ITFG1: variants seen among roughly 807,000 people sequenced by gnomAD.
ITFG1 encodes integrin alpha FG-GAP repeat containing 1, also known as T-cell immunomodulatory protein.
Under a neutral mutation model 81.8 loss-of-function variants are expected in ITFG1, and 34 were observed. The observed-to-expected ratio is 0.42, with a 90% CI of 0.32 to 0.55. The LOEUF is 0.55. Among genes scored for constraint, ITFG1 ranks in the 20% least tolerant of loss-of-function variants. The pLI is 0.17. For missense variants in ITFG1, 672 were observed against 755.4 expected (o/e 0.89, Z 1.29); for synonymous variants, 285 against 270.6 (o/e 1.05, Z -0.52).
At chr16:47,448,421 C>A (rs1266397729) in intron 5 of ITFG1, 1 of 152,028 alleles carries the variant, frequency 6.6e-6, no homozygotes, top group African/African-American at 2.4e-5. Context: ...TCTACCCACA[C>A]AACAGTTAAA....
Position 47,425,717 on chromosome 16 carries a change from T to G in ITFG1, c.655+3087A>C, listed in dbSNP as rs9928503. ...AAGTGATTCTCCTACCTCAGCTTCT[T>G]GAGTAGCTGGGGTCACAGGCGTGTG... On this transcript the variant is annotated intron_variant, in intron 6 of 17. Coordinates refer to ENST00000320640, the MANE Select transcript of ITFG1 (RefSeq NM_030790.5). 3 of 151,912 alleles carry G rather than the reference T, an allele frequency of 2.0e-5. No individual in the cohort carries two copies. In the East Asian group the frequency reaches 5.8e-4, roughly 29 times the overall value. 9.4% of individuals were successfully genotyped at this position (151,912 alleles called of 1,614,324 possible).
intron 17 of ITFG1, 23 bp downstream of exon 17, chr16:47,158,850 A>G: frequency 7.7e-7 from 1 of 1,291,574 alleles, no homozygotes; most frequent in Non-Finnish European, 1.1e-6. Flanking sequence ...ACCAAAATTA[A>G]TGCTTCCTTT....
At chr16:47,157,664 G>A (rs1964735170) in intron 17 of ITFG1, 1 of 152,154 alleles carries the variant, frequency 6.6e-6, no homozygotes. Flanking sequence ...AATTGAATAT[G>A]TAACTTCATG....
chr16:47,177,252 G>C (rs1267663779), intron 14 of ITFG1, among the ~76,000 whole-genome samples: 1 of 152,146 alleles, frequency 6.6e-6, no homozygotes, highest in Non-Finnish European at 1.5e-5. Flanking sequence ...TTACAGGTGT[G>C]AGCCACATCA....
At chr16:47,341,469 C>A (rs1029914705) in intron 8 of ITFG1, among the ~76,000 whole-genome samples, 1 of 148,856 alleles carries the variant, frequency 6.7e-6, no homozygotes, top group Non-Finnish European at 1.5e-5. Context: ...TATAACATAC[C>A]CATACCCAGA....
At chr16:47,178,504 G>T (rs1428683022) in intron 14 of ITFG1, among the ~76,000 whole-genome samples, 1 of 152,158 alleles carries the variant, frequency 6.6e-6, no homozygotes, top group Non-Finnish European at 1.5e-5. Context: ...AAATGGTGCT[G>T]GGAAAACTGG....
intron 10 of ITFG1, among the ~76,000 whole-genome samples, chr16:47,272,051 A>G (rs913645580): frequency 6.6e-6 from 1 of 152,258 alleles, no homozygotes; most frequent in African/African-American, 2.4e-5. Flanking sequence ...GAAATGTAGT[A>G]TAACCATATA....
At chr16:47,327,859 A>G (rs2151572036) in intron 8 of ITFG1, among the ~76,000 whole-genome samples, 1 of 152,146 alleles carries the variant, frequency 6.6e-6, no homozygotes, top group African/African-American at 2.4e-5. Flanking sequence ...AAATAGGAAC[A>G]CTTACACTGT....
At chr16:47,443,048 T>C (rs1486756244) in intron 5 of ITFG1, among the ~76,000 whole-genome samples, 1 of 151,958 alleles carries the variant, frequency 6.6e-6, no homozygotes, top group East Asian at 1.9e-4. Context: ...CTCAAACAAA[T>C]TTACAAGAAA....
chr16:47,274,530 A>AC (rs1347207612), intron 10 of ITFG1, among the ~76,000 whole-genome samples: 1 of 152,144 alleles, frequency 6.6e-6, no homozygotes, highest in East Asian at 1.9e-4. Context: ...AGTAAAAAAA[A>AC]CTGAAAACTT....
intron 12 of ITFG1, among the ~76,000 whole-genome samples, chr16:47,244,415 T>C (rs534523403): frequency 1.6e-4 from 25 of 152,172 alleles, no homozygotes; most frequent in African/African-American, 5.1e-4. Flanking sequence ...TCTAGGTAGA[T>C]AGTGTCAGAA....
chr16:47,252,613 G>A (rs531708642), intron 12 of ITFG1, among the ~76,000 whole-genome samples: 1 of 152,156 alleles, frequency 6.6e-6, no homozygotes, highest in Non-Finnish European at 1.5e-5. Flanking sequence ...TCTGTAATAC[G>A]CAAGGTCCCC....
At chr16:47,294,439 C>T (rs1376142063) in intron 10 of ITFG1, among the ~76,000 whole-genome samples, 2 of 152,018 alleles carry the variant, frequency 1.3e-5, no homozygotes, top group African/African-American at 4.8e-5. Flanking sequence ...CTGTATATTG[C>T]TTTGGGCATT....
chr16:47,396,377 G>A (rs191609270), intron 6 of ITFG1, among the ~76,000 whole-genome samples: 2 of 152,176 alleles, frequency 1.3e-5, no homozygotes, highest in African/African-American at 4.8e-5. Flanking sequence ...CATACATGAA[G>A]ATGAGAAAGG....
chr16:47,255,810 A>T (rs1415701047), intron 12 of ITFG1, among the ~76,000 whole-genome samples: 1 of 152,220 alleles, frequency 6.6e-6, no homozygotes, highest in Non-Finnish European at 1.5e-5. Flanking sequence ...GAATGACACA[A>T]ATAAATAAGC....
chr16:47,329,713 C>T (rs193247966), intron 8 of ITFG1, among the ~76,000 whole-genome samples: 32 of 152,018 alleles, frequency 2.1e-4, no homozygotes, highest in Admixed American at 1.9e-3. Flanking sequence ...TGTTATTATC[C>T]TATATTATGA....
At chr16:47,167,371 G>A (rs1212766043) in intron 14 of ITFG1, among the ~76,000 whole-genome samples, 1 of 152,150 alleles carries the variant, frequency 6.6e-6, no homozygotes, top group Non-Finnish European at 1.5e-5. Context: ...GCCCTGCCCT[G>A]CCTTAACTGA....
chr16:47,183,050 C>T lies in ITFG1; in HGVS notation c.1454-20386G>A, dbSNP rs113399936. 3.0e-4 allele frequency among the ~76,000 whole-genome samples: 46 copies of T among 152,338 alleles called. 1 individual carries two copies. The highest frequency in any genetic ancestry group is 3.4e-3 in the Middle Eastern group (1 of 294). ...TCGGGTCACTCCCACCCGAATACCGCGCTTTTCCGACGGGCTTAAAAAACG... is the reference window on the plus strand; with the variant it reads ...TCGGGTCACTCCCACCCGAATACCGTGCTTTTCCGACGGGCTTAAAAAACG... On this transcript the variant is annotated intron_variant, in intron 14 of 17. Coordinates refer to ENST00000320640, the MANE Select transcript of ITFG1 (RefSeq NM_030790.5).
In ITFG1 at chr16:47,350,223, C is replaced by T. The variant is rs181581762; in HGVS notation, c.802+15565G>A. 3.7e-4 allele frequency among the ~76,000 whole-genome samples: 57 copies of T among 152,218 alleles called. No homozygotes were observed. The East Asian group carries it at 0.011, about 28-fold the overall frequency. ...AGAAATAACTAAGATCAGACCAGAACTGAAGAAGATAGAGACAAAAAAACC... is the reference window on the plus strand; with the variant it reads ...AGAAATAACTAAGATCAGACCAGAATTGAAGAAGATAGAGACAAAAAAACC... On this transcript the variant is annotated intron_variant, in intron 8 of 17. Coordinates refer to ENST00000320640, the MANE Select transcript of ITFG1 (RefSeq NM_030790.5).
Sources: allele counts gnomAD v4.1 joint callset (sites outside exome capture counted in the v4.1 genomes callset), GRCh38; gene constraint gnomAD v4.1.1; transcripts MANE v1.5; gene names NCBI Gene and HGNC (gene_info 2026-07-23, HGNC 2026-07-21).